The following MBNL1 variants were observed in gnomAD, a reference collection of about 807,000 sequenced individuals.
The protein encoded by MBNL1 is muscleblind-like protein 1.
In MBNL1, 8 loss-of-function variants were observed where a neutral mutation model predicts 42.2. The observed-to-expected ratio is 0.19, with a 90% CI of 0.11 to 0.34. The LOEUF (loss-of-function observed/expected upper bound fraction) is 0.34, where lower values mean the gene tolerates loss of function less well. Ranked by LOEUF, MBNL1 falls within the 10% of genes least tolerant of loss-of-function variation. MBNL1 has a pLI of 1.00. For missense variants in MBNL1, 309 were observed against 495.3 expected, an observed-to-expected ratio of 0.62 and a Z score of 3.57; for synonymous variants, 169 against 173.9, an observed-to-expected ratio of 0.97 and a Z score of 0.22.
rs903310383 is a variant in MBNL1 at position 152,429,792 on chromosome 3, T to G, written c.346-2925T>G. ...AAATAAATGAAGGAATGGTGTGTGT[T>G]TGTGTGTGTGTGTGTGTGTGTCTGT... On this transcript the variant is annotated intron_variant, in intron 3 of 9. Coordinates refer to ENST00000324210, the MANE Select transcript of MBNL1 (RefSeq NM_021038.5). 1.7e-4 allele frequency among the ~76,000 whole-genome samples: 26 copies of G among 149,702 alleles called. No individual in the cohort carries two copies. In the East Asian group the frequency reaches 1.8e-3, roughly 10 times the overall value.
intron 1 of MBNL1, among the ~76,000 whole-genome samples, chr3:152,279,519 A>G (rs961614567): frequency 1.6e-5 from 1 of 62,932 alleles, no homozygotes; most frequent in Non-Finnish European, 3.5e-5. Flanking sequence ...ATGTATTTTC[A>G]TCTTTTTTGC....
At chr3:152,386,397 A>G (rs1300558159) in intron 2 of MBNL1, among the ~76,000 whole-genome samples, 1 of 152,086 alleles carries the variant, frequency 6.6e-6, no homozygotes, top group Non-Finnish European at 1.5e-5. Flanking sequence ...CATATTTTTC[A>G]TAGAACATAT....
intron 2 of MBNL1, chr3:152,335,234 A>G: frequency 1.6e-6 from 2 of 1,289,778 alleles, no homozygotes; most frequent in Non-Finnish European, 2.0e-6. Flanking sequence ...GATGCTGGTG[A>G]GTGAATAAGG....
chr3:152,289,030 T>G (rs1447902022), intron 1 of MBNL1, among the ~76,000 whole-genome samples: 1 of 152,030 alleles, frequency 6.6e-6, no homozygotes, highest in African/African-American at 2.4e-5. Flanking sequence ...TTAACAAATA[T>G]AGAAAAATAT....
chr3:152,401,922 C>G (rs1398711434), intron 2 of MBNL1, among the ~76,000 whole-genome samples: 1 of 151,484 alleles, frequency 6.6e-6, no homozygotes, highest in Non-Finnish European at 1.5e-5. Flanking sequence ...GTCCCACCTA[C>G]TCGGGAGGCT....
intron 2 of MBNL1, among the ~76,000 whole-genome samples, chr3:152,329,918 G>T (rs1430064586): frequency 6.6e-6 from 1 of 151,480 alleles, no homozygotes; most frequent in African/African-American, 2.4e-5. Flanking sequence ...ATATTTTAAG[G>T]ATTATTTCTA....
chr3:152,273,046 G>A (rs566779296), intron 1 of MBNL1, among the ~76,000 whole-genome samples: 1 of 152,116 alleles, frequency 6.6e-6, no homozygotes, highest in Non-Finnish European at 1.5e-5. Flanking sequence ...CCTCAGCTTG[G>A]TGCCATCTTG....
intron 2 of MBNL1, among the ~76,000 whole-genome samples, chr3:152,305,005 C>T (rs977946626): frequency 7.9e-5 from 12 of 152,066 alleles, no homozygotes; most frequent in African/African-American, 2.4e-4. Flanking sequence ...GATTTTGGTA[C>T]ACTGCGTCTA....
At chr3:152,359,128 A>G (rs1166902090) in intron 2 of MBNL1, among the ~76,000 whole-genome samples, 1 of 152,178 alleles carries the variant, frequency 6.6e-6, no homozygotes. Flanking sequence ...ATATTATTTG[A>G]GTTTAACTAC....
Position 152,419,841 on chromosome 3 carries a change from C to G in MBNL1, c.345+4730C>G, listed in dbSNP as rs373111883. Among the ~76,000 whole-genome samples, 59 of 152,222 alleles carry G rather than the reference C, an allele frequency of 3.9e-4. No individual in the cohort carries two copies. The South Asian group carries it at 0.012, about 32-fold the overall frequency. ...TCAGCGGACCCCACCCCCATGGAGCCCAACAAGCTAAGATCCTGCTGGCTT... is the reference window on the plus strand; with the variant it reads ...TCAGCGGACCCCACCCCCATGGAGCGCAACAAGCTAAGATCCTGCTGGCTT... On this transcript the variant is annotated intron_variant, in intron 3 of 9. Transcript: ENST00000324210.
upstream of MBNL1, chr3:152,264,916 A>C (rs527402052): frequency 4.3e-4 from 66 of 152,126 alleles, 1 homozygote; most frequent in African/African-American, 1.4e-3. Flanking sequence ...ATTATATATC[A>C]AATATATACA....
intron 2 of MBNL1, among the ~76,000 whole-genome samples, chr3:152,347,703 T>G (rs903402364): frequency 3.3e-5 from 5 of 152,148 alleles, no homozygotes. Flanking sequence ...TGTTACTCTG[T>G]GCGTGTCATG....
chr3:152,446,288 A>T (rs1327105855), intron 5 of MBNL1, among the ~76,000 whole-genome samples: 1 of 152,172 alleles, frequency 6.6e-6, no homozygotes, highest in African/African-American at 2.4e-5. Context: ...ATATGACTTA[A>T]ATCAATGAAA....
chr3:152,343,461 T>C (rs908392565), intron 2 of MBNL1, among the ~76,000 whole-genome samples: 2 of 152,136 alleles, frequency 1.3e-5, no homozygotes, highest in Admixed American at 6.6e-5. Flanking sequence ...ATGTGTATCA[T>C]AATATTTATT....
chr3:152,283,146 C>T (rs2049467630), intron 1 of MBNL1, among the ~76,000 whole-genome samples: 3 of 152,270 alleles, frequency 2.0e-5, no homozygotes, highest in South Asian at 4.1e-4. Flanking sequence ...GAGCAATCAC[C>T]AACTGCAGTA....
chr3:152,425,467 G>T (rs2098912092), intron 3 of MBNL1, among the ~76,000 whole-genome samples: 1 of 152,034 alleles, frequency 6.6e-6, no homozygotes, highest in African/African-American at 2.4e-5. Context: ...AATTAGCCGG[G>T]CATGGTGGCA....
At chr3:152,442,153 A>T (rs1208281319) in intron 4 of MBNL1, among the ~76,000 whole-genome samples, 1 of 152,214 alleles carries the variant, frequency 6.6e-6, no homozygotes, top group Admixed American at 6.5e-5. Flanking sequence ...CTGTACATTT[A>T]TCTGCCAAAA....
chr3:152,370,763 G>T (rs2096623791), intron 2 of MBNL1, among the ~76,000 whole-genome samples: 1 of 151,434 alleles, frequency 6.6e-6, no homozygotes, highest in African/African-American at 2.4e-5. Context: ...GCCCTTCTTT[G>T]TCTTTTTTGA....
At chr3:152,411,417 G>A (rs970999741) in intron 2 of MBNL1, among the ~76,000 whole-genome samples, 13 of 152,150 alleles carry the variant, frequency 8.5e-5, no homozygotes, top group Non-Finnish European at 1.6e-4. Context: ...CTACTCGGGA[G>A]GCTGAGAAAG....
Sources: gnomAD v4.1 joint callset for allele counts (sites outside exome capture counted in the v4.1 genomes callset) on GRCh38, gnomAD v4.1.1 for gene constraint, MANE v1.5 for transcripts, NCBI Gene and HGNC (gene_info 2026-07-23, HGNC 2026-07-21) for gene names.